PRKN: variants seen among roughly 807,000 people sequenced by gnomAD.
The protein encoded by PRKN is E3 ubiquitin-protein ligase parkin.
A neutral mutation model predicts 59.5 loss-of-function variants in PRKN; 56 were observed. The observed-to-expected ratio is 0.94, with a 90% CI of 0.76 to 1.18. The LOEUF (loss-of-function observed/expected upper bound fraction) is 1.18. PRKN is among the 50% of genes most tolerant of loss of function. The probability of loss-of-function intolerance (pLI) is 0.00; values close to 1 mark genes in which losing one functional copy is unlikely to be tolerated. For synonymous variants in PRKN, 250 were observed against 222.1 expected (o/e 1.13, Z -1.12); for missense variants, 657 against 596.4 (o/e 1.10, Z -1.06).
At chr6:162,278,945 TATAA>T (rs1780754007) in intron 2 of PRKN, among the ~76,000 whole-genome samples, 1 of 152,066 alleles carries the variant, frequency 6.6e-6, no homozygotes, top group Admixed American at 6.6e-5. Context: ...AGATATTTGC[TATAA>T]ATAGATTTTT....
At position 161,463,950 on chromosome 6, in the gene PRKN, TTTTG is replaced by T. The variant is rs1415813441; in HGVS notation, c.1084-77077_1084-77074del. ...AACATACAGAGACCTTTAGGGTTTTTTTTGTTTTTGTTTTTGTTTTTGTTTTTTT... is the reference window on the plus strand; with the variant it reads ...AACATACAGAGACCTTTAGGGTTTTTTTTTTGTTTTTGTTTTTGTTTTTTT... On this transcript the variant is annotated intron_variant, in intron 9 of 11. Coordinates refer to ENST00000366898, the MANE Select transcript of PRKN (RefSeq NM_004562.3). This position sits in a 1 kb window ranked among gnomAD's most constrained non-coding sequence, Gnocchi z 4.8. 6.6e-6 allele frequency among the ~76,000 whole-genome samples: 1 copy of T among 152,106 alleles called. No individual in the cohort carries two copies. Among genetic ancestry groups the T allele is most frequent in the Non-Finnish European group, 1.5e-5 (1 of 68,024 alleles).
chr6:161,633,670 A>G (rs1389356935), intron 7 of PRKN, among the ~76,000 whole-genome samples: 1 of 152,246 alleles, frequency 6.6e-6, no homozygotes, highest in Non-Finnish European at 1.5e-5. Context: ...TCTGTTGCCC[A>G]TGAATCTTCT....
chr6:161,927,912 GA>G (rs1479947350), intron 6 of PRKN, among the ~76,000 whole-genome samples: 1 of 152,108 alleles, frequency 6.6e-6, no homozygotes, highest in African/African-American at 2.4e-5. Flanking sequence ...CATTGTTAAG[GA>G]AAAGAGTGAA....
chr6:162,121,274 G>A (rs1404386110), intron 4 of PRKN, among the ~76,000 whole-genome samples: 1 of 152,128 alleles, frequency 6.6e-6, no homozygotes, highest in Non-Finnish European at 1.5e-5. Flanking sequence ...TGAATAAGAT[G>A]TATGCCAACC....
intron 3 of PRKN, among the ~76,000 whole-genome samples, chr6:162,260,288 G>A (rs1222828205): frequency 1.3e-5 from 2 of 152,100 alleles, no homozygotes; most frequent in Non-Finnish European, 2.9e-5. Context: ...AGACATGAGT[G>A]GAAAGTCAAG....
chr6:162,444,193 A>C (rs4708955), intron 1 of PRKN, among the ~76,000 whole-genome samples: 79,844 of 151,632 alleles, frequency 0.53, 21,532 homozygotes, highest in East Asian at 0.7. Context: ...ACTGCCCTTT[A>C]CTTTCCATTC....
In PRKN at chr6:162,110,228, T is replaced by G. The variant is rs545200828; in HGVS notation, c.535-56054A>C. Among the ~76,000 whole-genome samples the G allele has an allele frequency of 2.6e-4, 40 of 152,324 alleles. 1 individual carries two copies. Among genetic ancestry groups the G allele is most frequent in the Non-Finnish European group, 5.3e-4 (36 of 68,024 alleles). On this transcript the variant is annotated intron_variant, in intron 4 of 11. Transcript: ENST00000366898. ...AAGGCAATAGATAATTCTATGGTAT[T>G]CCTGAAGTTATATGAATGAACTCAT...
At chr6:162,332,079 TACAA>T (rs1783607014) in intron 2 of PRKN, among the ~76,000 whole-genome samples, 1 of 152,174 alleles carries the variant, frequency 6.6e-6, no homozygotes, top group African/African-American at 2.4e-5. Flanking sequence ...CTTTAAAGGT[TACAA>T]ATGCTGGCTC....
chr6:161,635,784 G>A lies in PRKN; in HGVS notation c.872-66368C>T, dbSNP rs951735480. Among the ~76,000 whole-genome samples, 4 of 152,166 alleles carry A rather than the reference G, an allele frequency of 2.6e-5. No homozygotes were observed. In the South Asian group the frequency reaches 6.2e-4, roughly 24 times the overall value. On this transcript the variant is annotated intron_variant, in intron 7 of 11. Transcript: ENST00000366898. The stretch of plus-strand genomic sequence containing the variant: ...CTTGGGGGCCGTTGAATTGGTGGGG[G>A]ATTAATGATCAAGGAAATCTCAGAA...
At chr6:161,765,028 G>A (rs982618917) in intron 7 of PRKN, among the ~76,000 whole-genome samples, 2 of 152,154 alleles carry the variant, frequency 1.3e-5, no homozygotes, top group South Asian at 2.1e-4. Context: ...AAAATGCCTT[G>A]GAGTGGTTAA....
chr6:162,102,867 C>A (rs1780032669), intron 4 of PRKN, among the ~76,000 whole-genome samples: 1 of 151,742 alleles, frequency 6.6e-6, no homozygotes, highest in Non-Finnish European at 1.5e-5. Flanking sequence ...CACGGTGAAA[C>A]CCCGTCTCTA....
At chr6:161,476,962 A>G (rs754084440) in intron 9 of PRKN, among the ~76,000 whole-genome samples, 12 of 152,238 alleles carry the variant, frequency 7.9e-5, no homozygotes, top group Non-Finnish European at 1.8e-4. Flanking sequence ...AAACCAGTGC[A>G]TGCAGTTCTA....
chr6:162,156,705 T>C (rs2128315246), intron 4 of PRKN, among the ~76,000 whole-genome samples: 1 of 152,270 alleles, frequency 6.6e-6, no homozygotes, highest in South Asian at 2.1e-4. Context: ...AGTTAATCTC[T>C]TTTGGCAACC....
intron 7 of PRKN, among the ~76,000 whole-genome samples, chr6:161,609,596 G>A (rs1378669529): frequency 6.6e-6 from 1 of 152,230 alleles, no homozygotes; most frequent in Middle Eastern, 3.4e-3. Context: ...ATGGGGCTTC[G>A]GGCAGATGGT....
intron 7 of PRKN, among the ~76,000 whole-genome samples, chr6:161,753,291 G>T (rs1404043758): frequency 6.6e-6 from 1 of 152,240 alleles, no homozygotes; most frequent in South Asian, 2.1e-4. Context: ...CGAGGGAGAA[G>T]GAACACAGAG....
chr6:162,206,487 C>T (rs902993699), intron 3 of PRKN, among the ~76,000 whole-genome samples: 3 of 152,150 alleles, frequency 2.0e-5, no homozygotes, highest in Admixed American at 6.6e-5. Flanking sequence ...GGTTTCAGCT[C>T]CTTCCCTCTT....
chr6:162,187,469 A>G (rs904177267), intron 4 of PRKN, among the ~76,000 whole-genome samples: 6 of 152,146 alleles, frequency 3.9e-5, no homozygotes, highest in Non-Finnish European at 8.8e-5. Flanking sequence ...AGAGAGCAAA[A>G]TGGCAGTGCA....
intron 5 of PRKN, among the ~76,000 whole-genome samples, chr6:162,010,256 A>ATTTT (rs1782445471): frequency 7.6e-6 from 1 of 131,158 alleles, no homozygotes; most frequent in Non-Finnish European, 1.6e-5. Context: ...TATACATAAT[A>ATTTT]TATATTTTAT....
intron 6 of PRKN, among the ~76,000 whole-genome samples, chr6:161,793,700 G>A (rs917489267): frequency 2.6e-5 from 4 of 152,124 alleles, no homozygotes; most frequent in African/African-American, 9.7e-5. Flanking sequence ...TGGGGTTGGA[G>A]GAAGGGCTCC....
Sources: allele counts gnomAD v4.1 joint callset (sites outside exome capture counted in the v4.1 genomes callset), GRCh38; gene constraint gnomAD v4.1.1; non-coding constraint Gnocchi (gnomAD v3.1); transcripts MANE v1.5; gene names NCBI Gene and HGNC (gene_info 2026-07-23, HGNC 2026-07-21).